The following PCLO variants were observed in gnomAD, a reference collection of about 807,000 sequenced individuals.
The protein encoded by PCLO is piccolo presynaptic cytomatrix protein, also known as protein piccolo.
Under a neutral mutation model 427.5 loss-of-function variants are expected in PCLO, and 82 were observed. The ratio of observed to expected loss-of-function variants is 0.19; its 90% CI spans 0.16 to 0.23. The LOEUF (loss-of-function observed/expected upper bound fraction) is 0.23. Ranked by LOEUF, PCLO falls within the 10% of genes least tolerant of loss-of-function variation. The pLI, the probability that PCLO is intolerant of heterozygous loss-of-function variation, is 1.00. For missense variants in PCLO, 6,239 were observed against 6,115.9 expected (o/e 1.02, Z -0.67); for synonymous variants, 2,357 against 2,155.4 (o/e 1.09, Z -2.59).
chr7:83,076,832 G>A lies in PCLO; in HGVS notation c.3300+57418C>T, dbSNP rs117101653. 4.7e-3 allele frequency among the ~76,000 whole-genome samples: 711 copies of A among 151,724 alleles called. 3 individuals carry two copies. Among genetic ancestry groups the A allele is most frequent in the Middle Eastern group, 0.014 (4 of 288 alleles). Reference sequence around the variant, plus strand: ...CATGTGACCTTCCTACCTTTAAGGAGCTATCCAATAATCAGCTCTTAAACC... The same window carrying A: ...CATGTGACCTTCCTACCTTTAAGGAACTATCCAATAATCAGCTCTTAAACC... On this transcript the variant is annotated intron_variant, in intron 3 of 24. Coordinates refer to ENST00000333891, the MANE Select transcript of PCLO (RefSeq NM_033026.6).
At position 82,949,701 on chromosome 7, in the gene PCLO, T is replaced by C. The variant is rs1270134623; in HGVS notation, c.10887A>G (p.Pro3629=). 3 of 1,613,650 alleles carry C rather than the reference T, an allele frequency of 1.9e-6. No individual in the cohort carries two copies. Among genetic ancestry groups the C allele is most frequent in the South Asian group, 2.2e-5 (2 of 91,072 alleles). Residue 3629 remains proline (P), a synonymous_variant, in exon 6 of 25, where the codon CCA becomes CCG. Coordinates refer to ENST00000333891, the MANE Select transcript of PCLO (RefSeq NM_033026.6). ...ATTCTAAGGCTTTGCCTGGTGAAAG[T>C]GGTGAGATGGGTGAGTAAAGGACTT... is the stretch of plus-strand genomic sequence containing the variant. ...SPKVLYSPIS[P]LSPGKALESA... is the part of the protein sequence containing the mutation.
chr7:83,107,629 GTTA>G lies in PCLO; in HGVS notation c.3300+26618_3300+26620del, dbSNP rs551499565. Among the ~76,000 whole-genome samples, 458 of 151,180 alleles carry G rather than the reference GTTA, an allele frequency of 3.0e-3. 1 individual carries two copies. The highest frequency in any genetic ancestry group is 3.5e-3 in the Non-Finnish European group (238 of 67,788). Reference sequence around the variant, plus strand: ...AATACTTAACTAAAAACTAAAACCAGTTATTAATAATAATTAATACTAATAATT... The same window carrying G: ...AATACTTAACTAAAAACTAAAACCAGTTAATAATAATTAATACTAATAATT... On this transcript the variant is annotated intron_variant, in intron 3 of 24. Transcript: ENST00000333891.
At chr7:82,832,461 G>T (rs1301088553) in intron 16 of PCLO, among the ~76,000 whole-genome samples, 1 of 151,922 alleles carries the variant, frequency 6.6e-6, no homozygotes, top group Non-Finnish European at 1.5e-5. Context: ...CACCATGTTA[G>T]CCCGGATGGT....
At chr7:82,827,420 T>C (rs894646364) in intron 17 of PCLO, among the ~76,000 whole-genome samples, 3 of 152,044 alleles carry the variant, frequency 2.0e-5, no homozygotes, top group African/African-American at 7.2e-5. Flanking sequence ...GCCAGATTCT[T>C]AGGAGGCCTC....
intron 3 of PCLO, among the ~76,000 whole-genome samples, chr7:82,968,233 T>C (rs1795823044): frequency 6.6e-6 from 1 of 152,228 alleles, no homozygotes; most frequent in Non-Finnish European, 1.5e-5. Context: ...ATTTGCTTTT[T>C]GTGTATATAA....
intron 10 of PCLO, among the ~76,000 whole-genome samples, chr7:82,871,155 C>T (rs1292438429): frequency 1.3e-5 from 2 of 151,990 alleles, no homozygotes; most frequent in African/African-American, 2.4e-5. Context: ...GATACCTGCA[C>T]TCCCATGTCT....
intron 10 of PCLO, among the ~76,000 whole-genome samples, chr7:82,877,391 T>C (rs1310374110): frequency 2.6e-5 from 4 of 152,128 alleles, no homozygotes; most frequent in Non-Finnish European, 5.9e-5. Context: ...AAAAATAGCA[T>C]GTTCATTTTT....
chr7:82,766,632 A>G (rs558095431), intron 22 of PCLO, among the ~76,000 whole-genome samples: 4 of 152,272 alleles, frequency 2.6e-5, no homozygotes, highest in African/African-American at 9.6e-5. Flanking sequence ...ATGATGAAAT[A>G]GAACAGCAAG....
Position 83,155,123 on chromosome 7 carries a change from T to G in PCLO, c.1518A>C (p.Ser506=). 1 of 1,509,930 alleles carries G rather than the reference T, an allele frequency of 6.6e-7. No individual in the cohort carries two copies. Among genetic ancestry groups the G allele is most frequent in the Non-Finnish European group, 9.0e-7 (1 of 1,112,706 alleles). The allele number at this position is 1,509,930 out of a possible 1,614,324, so 93.5% of individuals were successfully genotyped here. The stretch of plus-strand genomic sequence containing the variant: ...CAGGCTGTTGAGGTGGGGGTTTTGT[T>G]GAGCCAGGCTGTTGAGATGGGGGCT... ...SAKPPSQQPG[S]TKPPPQQPGP... The change falls in exon 2 of 25, where the codon TCA becomes TCC. Residue 506 remains serine, a synonymous_variant. Transcript: ENST00000333891.
At chr7:83,024,256 C>T (rs189238214) in intron 3 of PCLO, among the ~76,000 whole-genome samples, 13 of 152,108 alleles carry the variant, frequency 8.5e-5, no homozygotes, top group Non-Finnish European at 1.8e-4. Flanking sequence ...GCGCACCATG[C>T]GCGAGCCGAA....
At chr7:83,146,793 G>A (rs1792006623) in intron 2 of PCLO, among the ~76,000 whole-genome samples, 1 of 151,732 alleles carries the variant, frequency 6.6e-6, no homozygotes, top group East Asian at 1.9e-4. Flanking sequence ...GCAGAGACAG[G>A]GTTTCACCAT....
chr7:82,825,137 A>G (rs1791903284), intron 18 of PCLO, among the ~76,000 whole-genome samples: 1 of 152,172 alleles, frequency 6.6e-6, no homozygotes, highest in Admixed American at 6.5e-5. Flanking sequence ...TGAAATAGGG[A>G]TATGACTACC....
chr7:82,825,839 A>G (rs1287469830), intron 18 of PCLO, among the ~76,000 whole-genome samples: 1 of 148,186 alleles, frequency 6.7e-6, no homozygotes, highest in African/African-American at 2.4e-5. Context: ...TATATAACAT[A>G]TAATGTAAAT....
intron 3 of PCLO, among the ~76,000 whole-genome samples, chr7:83,068,213 A>G (rs1282132014): frequency 6.6e-6 from 1 of 152,198 alleles, no homozygotes; most frequent in Non-Finnish European, 1.5e-5. Flanking sequence ...CAAGGTAACA[A>G]CAAAAGAAAG....
intron 3 of PCLO, among the ~76,000 whole-genome samples, chr7:83,129,313 T>A (rs1020861030): frequency 2.6e-5 from 4 of 152,186 alleles, no homozygotes; most frequent in African/African-American, 9.6e-5. Context: ...GATATCAATT[T>A]ACCTTTCAAA....
At chr7:83,101,437 T>C (rs1361210269) in intron 3 of PCLO, among the ~76,000 whole-genome samples, 1 of 152,130 alleles carries the variant, frequency 6.6e-6, no homozygotes, top group East Asian at 1.9e-4. Context: ...CTACTAATTC[T>C]ACATAGTTGG....
intron 9 of PCLO, among the ~76,000 whole-genome samples, chr7:82,894,633 G>A (rs1793856494): frequency 6.6e-6 from 1 of 152,060 alleles, no homozygotes; most frequent in South Asian, 2.1e-4. Flanking sequence ...TGACATTTGG[G>A]TAGGGACACA....
At chr7:83,064,946 T>A (rs1041234390) in intron 3 of PCLO, among the ~76,000 whole-genome samples, 1 of 151,898 alleles carries the variant, frequency 6.6e-6, no homozygotes, top group Admixed American at 6.6e-5. Flanking sequence ...GTTGGAAACA[T>A]AGAATACTAT....
intron 23 of PCLO, among the ~76,000 whole-genome samples, 200 bp from the exon 24 acceptor site, chr7:82,760,984 A>C (rs1156601770): frequency 1.1e-5 from 1 of 93,310 alleles, no homozygotes. Context: ...ACAGGGTCTT[A>C]CTCTGTCACC....
Sources: allele counts gnomAD v4.1 joint callset (sites outside exome capture counted in the v4.1 genomes callset), GRCh38; gene constraint gnomAD v4.1.1; transcripts MANE v1.5; gene names NCBI Gene and HGNC (gene_info 2026-07-23, HGNC 2026-07-21).